Variants in TICRR observed in about 807,000 individuals in gnomAD.
TICRR encodes the protein treslin.
In TICRR, 132 loss-of-function variants were observed where a neutral mutation model predicts 178.1. That is an observed-to-expected ratio of 0.74 (90% CI 0.64 to 0.86). The LOEUF (loss-of-function observed/expected upper bound fraction) is 0.86, where lower values mean the gene tolerates loss of function less well. Among genes scored for constraint, TICRR ranks in the 40% least tolerant of loss-of-function variants. The pLI is 0.00. For missense variants in TICRR, 2,587 were observed against 2,334.3 expected, an observed-to-expected ratio of 1.11 and a Z score of -2.23; for synonymous variants, 991 against 900.7, an observed-to-expected ratio of 1.10 and a Z score of -1.79.
chr15:89,580,577 A>G (rs1962706302), intron 1 of TICRR, among the ~76,000 whole-genome samples: 1 of 152,208 alleles, frequency 6.6e-6, no homozygotes, highest in South Asian at 2.1e-4. Context: ...ATTGATATTC[A>G]TGACTGAAAA....
In TICRR at chr15:89,625,936, G is replaced by T; in HGVS notation, c.5477G>T (p.Gly1826Val). ...STGDEEVFVS[G>V]STPPPSCAVR... ...CTCTTACTATGTGGGATCTCTTTAG[G>T]CTCCACCCCACCTCCCAGCTGTGCC... The change falls in exon 21 of 22, where the codon GGC (glycine) becomes GTC (valine). Residue 1826 changes from glycine (G) to valine (V), a missense_variant and splice_region_variant. Physicochemically the swap from Gly to Val is moderately radical, Grantham distance 109 (BLOSUM62 -3). Coordinates refer to ENST00000268138, the MANE Select transcript of TICRR (RefSeq NM_152259.4). 1 of 1,570,476 alleles carries T rather than the reference G, an allele frequency of 6.4e-7. No individual in the cohort carries two copies. Among genetic ancestry groups the T allele is most frequent in the Non-Finnish European group, 8.6e-7 (1 of 1,162,794 alleles).
intron 13 of TICRR, among the ~76,000 whole-genome samples, chr15:89,604,846 A>C (rs373676370): frequency 9.2e-5 from 14 of 151,960 alleles, no homozygotes; most frequent in African/African-American, 3.4e-4. Context: ...AGTTGGTACC[A>C]TAGATAAGTG....
intron 15 of TICRR, among the ~76,000 whole-genome samples, chr15:89,611,052 T>A (rs1963248986): frequency 2.0e-5 from 3 of 149,148 alleles, no homozygotes; most frequent in African/African-American, 7.4e-5. Flanking sequence ...ATATAGGGTT[T>A]AAAAAAAAAA....
intron 4 of TICRR, among the ~76,000 whole-genome samples, chr15:89,591,333 A>G (rs1238177528): frequency 1.3e-5 from 2 of 152,098 alleles, no homozygotes; most frequent in Non-Finnish European, 2.9e-5. Context: ...CATGTTGGCC[A>G]GGCTGGTCTC....
At chr15:89,601,647 G>A (rs769988908) in intron 11 of TICRR, 79 bp downstream of exon 11, 51 of 1,610,266 alleles carry the variant, frequency 3.2e-5, no homozygotes, top group Non-Finnish European at 4.1e-5. Flanking sequence ...GAATTTTGGA[G>A]TTGTAAGGAC....
intron 16 of TICRR, 180 bp from the exon 17 acceptor site, chr15:89,617,972 G>GT (rs1596056555): frequency 1.4e-6 from 1 of 693,306 alleles, no homozygotes; most frequent in East Asian, 2.5e-5. Context: ...GATTACAGGC[G>GT]TGAGACACTG....
Position 89,623,999 on chromosome 15 carries a change from C to T in TICRR, c.3689C>T (p.Thr1230Ile). Residue 1230 changes from threonine (T) to isoleucine (I), a missense_variant, in exon 20 of 22, where the codon ACT (threonine) becomes ATT (isoleucine). Transcript: ENST00000268138. ...AGCCCCTCCTGTCCAGCCCCTCCAA[C>T]TTCATCGACTGCCCAGCCCAGGAGA... ...PESPSCPAPPTSSTAQPRREC... is the reference protein window; with the variant it reads ...PESPSCPAPPISSTAQPRREC... The T allele has an allele frequency of 6.2e-7, 1 of 1,614,002 alleles. No homozygotes were observed. Among genetic ancestry groups the T allele is most frequent in the Non-Finnish European group, 8.5e-7 (1 of 1,180,018 alleles).
chr15:89,626,071 G>C lies in TICRR; in HGVS notation c.5602+10G>C. ...AGCAAAGACCCCAGAGGTAATGTTTGTTGAAGGTCTAGGACCCTTTCCTGT... is the reference window on the plus strand; with the variant it reads ...AGCAAAGACCCCAGAGGTAATGTTTCTTGAAGGTCTAGGACCCTTTCCTGT... On this transcript the variant is annotated intron_variant, in intron 21 of 21. Coordinates refer to ENST00000268138, the MANE Select transcript of TICRR (RefSeq NM_152259.4). The C allele has an allele frequency of 6.2e-7, 1 of 1,613,478 alleles. No homozygotes were observed. The highest frequency in any genetic ancestry group is 1.1e-5 in the South Asian group (1 of 90,994).
Position 89,624,511 on chromosome 15 carries a change from G to A in TICRR, c.4201G>A (p.Asp1401Asn), listed in dbSNP as rs761398530. 8.7e-6 allele frequency: 14 copies of A among 1,613,978 alleles called. No homozygotes were observed. The Admixed American group carries it at 1.8e-4, about 21-fold the overall frequency. ...PRRSIVECQPDASATPGVGTA... is the reference protein window; with the variant it reads ...PRRSIVECQPNASATPGVGTA... ...AAGGAGCATCGTGGAGTGTCAGCCT[G>A]ATGCCTCCGCTACTCCTGGGGTTGG... Residue 1401 changes from aspartate to asparagine, a missense_variant, in exon 20 of 22, where the codon GAT becomes AAT. Asp to Asn is a conservative substitution (Grantham distance 23). Transcript: ENST00000268138.
At chr15:89,623,069 A>G (rs142934256) in intron 19 of TICRR, among the ~76,000 whole-genome samples, 2 of 152,362 alleles carry the variant, frequency 1.3e-5, no homozygotes, top group Non-Finnish European at 2.9e-5. Context: ...GGAGCTTTTC[A>G]CTACGTATTT....
At chr15:89,602,534 C>T (rs931306303) in intron 12 of TICRR, among the ~76,000 whole-genome samples, 7 of 152,018 alleles carry the variant, frequency 4.6e-5, no homozygotes, top group African/African-American at 1.7e-4. Context: ...CATGAGGTCT[C>T]CAGAAACTAG....
At chr15:89,587,705 G>A (rs749770628) in intron 4 of TICRR, among the ~76,000 whole-genome samples, 2 of 152,180 alleles carry the variant, frequency 1.3e-5, no homozygotes, top group African/African-American at 2.4e-5. Flanking sequence ...CCATCACAAC[G>A]TGATGGTTGT....
At chr15:89,598,449 G>A (rs578162544) in intron 7 of TICRR, among the ~76,000 whole-genome samples, 2 of 152,012 alleles carry the variant, frequency 1.3e-5, no homozygotes, top group African/African-American at 4.8e-5. Context: ...TGCAACCTCC[G>A]CCTCCCAGGT....
At chr15:89,606,200 T>G (rs1963173160) in intron 13 of TICRR, among the ~76,000 whole-genome samples, 1 of 152,232 alleles carries the variant, frequency 6.6e-6, no homozygotes, top group Admixed American at 6.5e-5. Flanking sequence ...ATGATATAAC[T>G]TAGAATACTT....
intron 4 of TICRR, among the ~76,000 whole-genome samples, chr15:89,590,419 G>A (rs543513793): frequency 6.6e-6 from 1 of 152,320 alleles, no homozygotes; most frequent in Non-Finnish European, 1.5e-5. Context: ...TTGTAGAACA[G>A]ACTGTATCTT....
rs757210629 is a variant in TICRR at position 89,582,853 on chromosome 15, G to A, written c.822G>A (p.Pro274=). The change falls in exon 2 of 22, where the codon CCG becomes CCA. Residue 274 remains proline, a synonymous_variant. Transcript: ENST00000268138. ...TGTCAAGTGAACCTCATCTTTCTCC[G>A]TGGATTTCAATGCTGCCAACTGATG... The part of the protein sequence containing the change: ...IKLSSEPHLS[P]WISMLPTDAT... 8.7e-6 allele frequency: 14 copies of A among 1,614,144 alleles called. No individual in the cohort carries two copies. The highest frequency in any genetic ancestry group is 5.0e-5 in the Admixed American group (3 of 60,012).
chr15:89,610,607 T>G (rs1180402407), intron 15 of TICRR, among the ~76,000 whole-genome samples: 2 of 152,238 alleles, frequency 1.3e-5, no homozygotes, highest in Non-Finnish European at 2.9e-5. Context: ...TTAAATATCT[T>G]ATAGACCTCA....
intron 2 of TICRR, 129 bp from the exon 3 acceptor site, chr15:89,584,157 C>T: frequency 2.1e-6 from 2 of 935,592 alleles, no homozygotes; most frequent in East Asian, 2.7e-5. Context: ...GACAGTATCT[C>T]AATTGACAAC....
At chr15:89,606,961 C>A in intron 14 of TICRR, 136 bp downstream of exon 14, 1 of 627,416 alleles carries the variant, frequency 1.6e-6, no homozygotes, top group Non-Finnish European at 2.8e-6. Flanking sequence ...TGTCCAAATA[C>A]CATGGACATA....
Sources: gnomAD v4.1 joint callset for allele counts (sites outside exome capture counted in the v4.1 genomes callset) on GRCh38, gnomAD v4.1.1 for gene constraint, MANE v1.5 for transcripts, NCBI Gene and HGNC (gene_info 2026-07-23, HGNC 2026-07-21) for gene names.